The following CORIN variants were observed in gnomAD, a reference collection of about 807,000 sequenced individuals.
CORIN encodes atrial natriuretic peptide-converting enzyme.
A neutral mutation model predicts 125.3 loss-of-function variants in CORIN; 117 were observed. The ratio of observed to expected loss-of-function variants is 0.93; its 90% CI spans 0.80 to 1.09. The LOEUF (loss-of-function observed/expected upper bound fraction) is 1.09. CORIN is among the 50% of genes least tolerant of loss of function. The pLI is 0.00. For missense variants in CORIN, 1,253 were observed against 1,306.7 expected, an observed-to-expected ratio of 0.96 and a Z score of 0.63; for synonymous variants, 450 against 466.4, an observed-to-expected ratio of 0.96 and a Z score of 0.45.
chr4:47,737,860 C>T (rs1398841387), intron 5 of CORIN, among the ~76,000 whole-genome samples: 1 of 152,156 alleles, frequency 6.6e-6, no homozygotes, highest in African/African-American at 2.4e-5. Context: ...GCTTGGAGCT[C>T]TCCACAATGC....
chr4:47,743,810 G>GAA (rs1440519966), intron 5 of CORIN, among the ~76,000 whole-genome samples: 1 of 151,814 alleles, frequency 6.6e-6, no homozygotes, highest in African/African-American at 2.4e-5. Flanking sequence ...GCTCGAACCC[G>GAA]AAAGGCAGAG....
At chr4:47,725,927 C>G (rs1027965207) in intron 5 of CORIN, among the ~76,000 whole-genome samples, 1 of 151,974 alleles carries the variant, frequency 6.6e-6, no homozygotes, top group Non-Finnish European at 1.5e-5. Context: ...AACAACCCCC[C>G]ACTCCTGCCA....
intron 16 of CORIN, among the ~76,000 whole-genome samples, chr4:47,631,502 C>T (rs1367527420): frequency 6.6e-6 from 1 of 151,842 alleles, no homozygotes; most frequent in Admixed American, 6.6e-5. Context: ...CTCCCATCAC[C>T]CTCAGATGGG....
chr4:47,764,746 T>C (rs925146106), intron 3 of CORIN, among the ~76,000 whole-genome samples: 7 of 152,208 alleles, frequency 4.6e-5, no homozygotes, highest in African/African-American at 1.7e-4. Flanking sequence ...AGATAATTCT[T>C]AATGGCTCAT....
chr4:47,770,124 A>C (rs1729955842), intron 3 of CORIN, among the ~76,000 whole-genome samples: 1 of 152,198 alleles, frequency 6.6e-6, no homozygotes, highest in African/African-American at 2.4e-5. Flanking sequence ...TAAGGGGTTA[A>C]TATCCAAAAT....
At chr4:47,713,914 C>T (rs538526794) in intron 5 of CORIN, among the ~76,000 whole-genome samples, 6 of 151,676 alleles carry the variant, frequency 4.0e-5, no homozygotes, top group Non-Finnish European at 7.4e-5. Context: ...TTAATAATTA[C>T]TTATATTCTG....
intron 5 of CORIN, among the ~76,000 whole-genome samples, chr4:47,724,224 T>C (rs553382183): frequency 6.6e-6 from 1 of 152,070 alleles, no homozygotes; most frequent in South Asian, 2.1e-4. Flanking sequence ...AGCTCAGAAC[T>C]GAAAAATAAA....
chr4:47,626,175 C>T lies in CORIN; in HGVS notation c.2315+230G>A, dbSNP rs148631729. Among the ~76,000 whole-genome samples, 316 of 152,144 alleles carry T rather than the reference C, an allele frequency of 2.1e-3. 3 individuals are homozygous for T. The highest frequency in any genetic ancestry group is 6.8e-3 in the Middle Eastern group (2 of 294). On this transcript the variant is annotated intron_variant, in intron 17 of 21. Transcript: ENST00000273857. ...ATTAGAACCCAAGTTCCTCTCTCCTCGCCATGATAGTTTCTGTAATCGTGA... is the reference window on the plus strand; with the variant it reads ...ATTAGAACCCAAGTTCCTCTCTCCTTGCCATGATAGTTTCTGTAATCGTGA...
intron 6 of CORIN, among the ~76,000 whole-genome samples, chr4:47,684,271 G>A (rs1725416967): frequency 6.6e-6 from 1 of 152,142 alleles, no homozygotes; most frequent in South Asian, 2.1e-4. Flanking sequence ...AGATTATGGA[G>A]TTATTATTTC....
intron 19 of CORIN, among the ~76,000 whole-genome samples, chr4:47,608,015 T>C (rs1232228055): frequency 2.6e-5 from 4 of 151,742 alleles, no homozygotes; most frequent in African/African-American, 9.7e-5. Context: ...CATATGACTA[T>C]TTTAGTAAAA....
At chr4:47,611,473 T>A (rs1368088743) in intron 19 of CORIN, among the ~76,000 whole-genome samples, 1 of 152,248 alleles carries the variant, frequency 6.6e-6, no homozygotes, top group Non-Finnish European at 1.5e-5. Context: ...AAGTTGCTTA[T>A]CAGTTTAAGA....
chr4:47,600,136 T>C (rs1372938151), intron 21 of CORIN, 78 bp downstream of exon 21: 3 of 1,261,760 alleles, frequency 2.4e-6, no homozygotes, highest in Non-Finnish European at 3.3e-6. Flanking sequence ...CAAAGGGCCA[T>C]ACGTAATAAT....
At chr4:47,785,652 G>A (rs1442102493) in intron 3 of CORIN, among the ~76,000 whole-genome samples, 1 of 152,168 alleles carries the variant, frequency 6.6e-6, no homozygotes, top group African/African-American at 2.4e-5. Flanking sequence ...AGTGGCTCAT[G>A]CCTGTAATCC....
At chr4:47,596,447 G>C (rs148537269) in intron 21 of CORIN, among the ~76,000 whole-genome samples, 1 of 152,224 alleles carries the variant, frequency 6.6e-6, no homozygotes, top group African/African-American at 2.4e-5. Context: ...ATTTGGCATA[G>C]TTGAATACAA....
At chr4:47,613,031 G>C (rs946657772) in intron 19 of CORIN, among the ~76,000 whole-genome samples, 1 of 152,232 alleles carries the variant, frequency 6.6e-6, no homozygotes, top group African/African-American at 2.4e-5. Context: ...TATGTCCAGA[G>C]ATTCTTAAAG....
At chr4:47,790,706 A>G (rs1263727620) in intron 2 of CORIN, among the ~76,000 whole-genome samples, 1 of 152,160 alleles carries the variant, frequency 6.6e-6, no homozygotes, top group Non-Finnish European at 1.5e-5. Context: ...TGTCTTCTTT[A>G]GGACTGCTAA....
intron 1 of CORIN, among the ~76,000 whole-genome samples, chr4:47,817,537 A>T (rs948506030): frequency 6.6e-6 from 1 of 152,180 alleles, no homozygotes. Context: ...CTGAGGTAGG[A>T]TCAAGTTTTT....
intron 2 of CORIN, among the ~76,000 whole-genome samples, chr4:47,797,062 C>T (rs924886301): frequency 4.6e-5 from 7 of 151,926 alleles, no homozygotes; most frequent in African/African-American, 1.7e-4. Flanking sequence ...ACCTATAGCA[C>T]ACTGTGTTGC....
chr4:47,709,693 A>G (rs1216741211), intron 5 of CORIN, among the ~76,000 whole-genome samples: 1 of 152,244 alleles, frequency 6.6e-6, no homozygotes, highest in Non-Finnish European at 1.5e-5. Flanking sequence ...ACAATTGATT[A>G]TAAGGTTTTT....
Sources: gnomAD v4.1 joint callset for allele counts (sites outside exome capture counted in the v4.1 genomes callset) on GRCh38, gnomAD v4.1.1 for gene constraint, MANE v1.5 for transcripts, NCBI Gene and HGNC (gene_info 2026-07-23, HGNC 2026-07-21) for gene names.